The following OR56A3 variants were observed in gnomAD, a reference collection of about 807,000 sequenced individuals.
The protein encoded by OR56A3 is olfactory receptor 56A3.
OR56A3 carries 23 observed loss-of-function variants against 17.5 expected under a neutral mutation model. That is an observed-to-expected ratio of 1.32 (90% CI 0.95 to 1.87). The LOEUF (loss-of-function observed/expected upper bound fraction) is 1.87, where lower values mean the gene tolerates loss of function less well. OR56A3 is among the 40% of genes most tolerant of loss of function. The probability of loss-of-function intolerance (pLI) is 0.00; values close to 1 mark genes in which losing one functional copy is unlikely to be tolerated. For missense variants in OR56A3, 366 were observed against 380.1 expected (o/e 0.96, Z 0.31); for synonymous variants, 175 against 150.6 (o/e 1.16, Z -1.19).
the OR56A3 span, among the ~76,000 whole-genome samples, chr11:6,007,599 A>G: frequency 1.3e-5 from 2 of 152,132 alleles, no homozygotes; most frequent in Non-Finnish European, 2.9e-5. Context: ...AAGAAAGGAA[A>G]GATAGGAAGA....
At chr11:5,993,748 T>G in the OR56A3 span, 1 of 207,478 alleles carries the variant, frequency 4.8e-6, no homozygotes, top group Admixed American at 5.3e-5. Flanking sequence ...TAAAAATGAA[T>G]TTAATATGTT....
the OR56A3 span, among the ~76,000 whole-genome samples, chr11:5,957,444 C>T: frequency 6.6e-6 from 1 of 152,146 alleles, no homozygotes; most frequent in African/African-American, 2.4e-5. Context: ...TAAAATTAAA[C>T]AGTGAGTGAA....
the OR56A3 span, among the ~76,000 whole-genome samples, chr11:5,997,239 A>T: frequency 6.6e-6 from 1 of 152,196 alleles, no homozygotes; most frequent in Non-Finnish European, 1.5e-5. Context: ...ATATTGGCAG[A>T]ATCTGAATCT....
chr11:5,994,918 C>CT, the OR56A3 span: 1 of 752,918 alleles, frequency 1.3e-6, no homozygotes, highest in Admixed American at 1.7e-5. Flanking sequence ...GCATGGTCTC[C>CT]TTCTCATTCT....
In OR56A3 at chr11:5,947,445, G is replaced by A. The variant is rs1248831084; in HGVS notation, c.99G>A (p.Leu33=). Residue 33 remains leucine (L), a synonymous_variant, in exon 3 of 3, where the codon CTG becomes CTA. Coordinates refer to ENST00000641160, the MANE Select transcript of OR56A3 (RefSeq NM_001003443.3). ...CCAGCTGGCAGCACTGGCTGTCCCT[G>A]CCCCTCAGCCTCCTTTTCCTCTTGG... The part of the protein sequence containing the change: ...RSPSWQHWLS[L]PLSLLFLLAV... 41 of 1,614,040 alleles carry A rather than the reference G, an allele frequency of 2.5e-5. No individual in the cohort carries two copies. In the Admixed American group the frequency reaches 5.7e-4, roughly 22 times the overall value.
chr11:5,988,983 T>A, the OR56A3 span, among the ~76,000 whole-genome samples: 1 of 152,248 alleles, frequency 6.6e-6, no homozygotes, highest in Non-Finnish European at 1.5e-5. Context: ...CATCCATAGA[T>A]TACTCAGAGC....
At chr11:6,014,738 G>A in the OR56A3 span, among the ~76,000 whole-genome samples, 1 of 152,102 alleles carries the variant, frequency 6.6e-6, no homozygotes, top group Non-Finnish European at 1.5e-5. Flanking sequence ...AAATTTTTGT[G>A]AGCAAAATGC....
chr11:5,970,650 G>A, the OR56A3 span, among the ~76,000 whole-genome samples: 3 of 151,060 alleles, frequency 2.0e-5, no homozygotes, highest in African/African-American at 4.9e-5. Flanking sequence ...TAAACTGAGG[G>A]GCAAAAGACT....
the OR56A3 span, among the ~76,000 whole-genome samples, chr11:5,961,401 T>C: frequency 6.6e-6 from 1 of 152,232 alleles, no homozygotes; most frequent in African/African-American, 2.4e-5. Context: ...TGTTCTGTAC[T>C]AGGAAAAATT....
chr11:5,981,901 T>C, the OR56A3 span, among the ~76,000 whole-genome samples: 1 of 152,174 alleles, frequency 6.6e-6, no homozygotes, highest in Admixed American at 6.5e-5. Context: ...TCAACTAGCT[T>C]CATTTATGGA....
the OR56A3 span, chr11:5,986,324 C>T: frequency 3.7e-6 from 6 of 1,614,010 alleles, no homozygotes; most frequent in Non-Finnish European, 4.2e-6. Context: ...GCAAGTTTCA[C>T]AACAGCCATA....
At chr11:6,016,244 T>C in the OR56A3 span, among the ~76,000 whole-genome samples, 2 of 152,218 alleles carry the variant, frequency 1.3e-5, no homozygotes, top group Non-Finnish European at 2.9e-5. Flanking sequence ...CCTTCCTCCA[T>C]GAGTAAAATC....
the OR56A3 span, among the ~76,000 whole-genome samples, chr11:6,010,482 A>G: frequency 1.3e-5 from 2 of 152,182 alleles, no homozygotes; most frequent in African/African-American, 4.8e-5. Flanking sequence ...AGAGGAAACT[A>G]GCTAGGTCGT....
the OR56A3 span, among the ~76,000 whole-genome samples, chr11:5,971,242 A>T: frequency 6.6e-6 from 1 of 152,210 alleles, no homozygotes; most frequent in African/African-American, 2.4e-5. Flanking sequence ...ACTACCTTGT[A>T]TTTCCTCCAA....
At chr11:5,945,579 TAAAAAAAAAA>T (rs3082300) in intron 2 of OR56A3, among the ~76,000 whole-genome samples, 2 of 114,542 alleles carry the variant, frequency 1.7e-5, no homozygotes, top group African/African-American at 7.6e-5. Flanking sequence ...AGACCCCATA[TAAAAAAAAAA>T]AAAAAAAAAA....
chr11:5,962,364 G>T, the OR56A3 span, among the ~76,000 whole-genome samples: 3 of 152,004 alleles, frequency 2.0e-5, no homozygotes, highest in African/African-American at 7.2e-5. Flanking sequence ...TTGTGTGTGC[G>T]TGTTCTCATC....
chr11:6,003,527 C>T, the OR56A3 span, among the ~76,000 whole-genome samples: 1 of 152,138 alleles, frequency 6.6e-6, no homozygotes, highest in Non-Finnish European at 1.5e-5. Context: ...ACCAGGACGC[C>T]ATTGCATTAC....
chr11:6,017,304 T>C, the OR56A3 span, among the ~76,000 whole-genome samples: 107,213 of 152,100 alleles, frequency 0.7, 38,074 homozygotes, highest in East Asian at 0.94. Context: ...TATCTAGATA[T>C]AGGAAGCTCA....
chr11:5,974,295 C>T, the OR56A3 span, among the ~76,000 whole-genome samples: 1 of 151,848 alleles, frequency 6.6e-6, no homozygotes, highest in South Asian at 2.1e-4. Context: ...TTAATAGAGA[C>T]GGGGTTTCAC....
Sources: allele counts gnomAD v4.1 joint callset (sites outside exome capture counted in the v4.1 genomes callset), GRCh38; gene constraint gnomAD v4.1.1; transcripts MANE v1.5; gene names NCBI Gene and HGNC (gene_info 2026-07-23, HGNC 2026-07-21).